The following TUSC3 variants were observed in gnomAD, a reference collection of about 807,000 sequenced individuals.
The protein encoded by TUSC3 is tumor suppressor candidate 3.
A neutral mutation model predicts 44.8 loss-of-function variants in TUSC3; 45 were observed. That is an observed-to-expected ratio of 1.00 (90% confidence interval 0.79 to 1.29). The LOEUF is 1.29. TUSC3 is among the 50% of genes most tolerant of loss of function. The pLI, the probability that TUSC3 is intolerant of heterozygous loss-of-function variation, is 0.00. For synonymous variants in TUSC3, 212 were observed against 152.9 expected (o/e 1.39, Z -2.85); for missense variants, 519 against 437.9 (o/e 1.19, Z -1.65).
At chr8:15,500,430 G>A (rs554126620) in intron 2 of TUSC3, among the ~76,000 whole-genome samples, 1 of 151,986 alleles carries the variant, frequency 6.6e-6, no homozygotes, top group Non-Finnish European at 1.5e-5. Context: ...AATCACCATT[G>A]GGATTTTTTA....
the TUSC3 span, among the ~76,000 whole-genome samples, chr8:15,832,957 T>C: frequency 1.3e-5 from 2 of 151,446 alleles, no homozygotes; most frequent in Non-Finnish European, 2.9e-5. Context: ...AAACTCTCCA[T>C]TCAAAAACAG....
At chr8:15,472,811 G>A (rs185380290) in intron 1 of TUSC3, among the ~76,000 whole-genome samples, 53 of 152,258 alleles carry the variant, frequency 3.5e-4, no homozygotes, top group African/African-American at 1.3e-3. Context: ...AATATTTTAT[G>A]CCATTAAATG....
chr8:15,723,728 T>A (rs1460332760), intron 6 of TUSC3, among the ~76,000 whole-genome samples: 3 of 152,146 alleles, frequency 2.0e-5, no homozygotes, highest in Non-Finnish European at 4.4e-5. Context: ...GCTTATTTTG[T>A]GCAATGACAG....
At chr8:15,685,129 A>G (rs1438118676) in intron 6 of TUSC3, among the ~76,000 whole-genome samples, 1 of 152,186 alleles carries the variant, frequency 6.6e-6, no homozygotes, top group Non-Finnish European at 1.5e-5. Context: ...TTGGGGGTGC[A>G]TGCAAGTTTG....
intron 8 of TUSC3, among the ~76,000 whole-genome samples, chr8:15,746,033 C>T (rs1399831955): frequency 6.6e-6 from 1 of 152,048 alleles, no homozygotes; most frequent in Non-Finnish European, 1.5e-5. Flanking sequence ...CTCCCCATTG[C>T]TTGTTTTTGT....
At chr8:15,448,131 A>ATATATATATATATATATT (rs1563253394) in intron 1 of TUSC3, among the ~76,000 whole-genome samples, 1 of 144,074 alleles carries the variant, frequency 6.9e-6, no homozygotes, top group Non-Finnish European at 1.5e-5. Context: ...TTATTTATTT[A>ATATATATATATATATATT]TTTTTTAGAT....
chr8:15,444,257 C>T (rs770059489), intron 1 of TUSC3, among the ~76,000 whole-genome samples: 7 of 152,154 alleles, frequency 4.6e-5, no homozygotes, highest in Non-Finnish European at 1.0e-4. Flanking sequence ...AGACAAGACT[C>T]TTCATGACAC....
At chr8:15,639,475 T>G (rs1338765616) in intron 2 of TUSC3, among the ~76,000 whole-genome samples, 1 of 152,220 alleles carries the variant, frequency 6.6e-6, no homozygotes. Context: ...GTGCTTTATT[T>G]CTCTAAAAAT....
At chr8:15,562,395 C>A (rs755613329) in intron 1 of TUSC3, among the ~76,000 whole-genome samples, 29 of 152,094 alleles carry the variant, frequency 1.9e-4, no homozygotes, top group African/African-American at 6.8e-4. Flanking sequence ...CCACTTTAAG[C>A]GTTAAGAAAT....
chr8:15,662,619 G>T (rs1189690625), intron 5 of TUSC3, among the ~76,000 whole-genome samples: 1 of 151,900 alleles, frequency 6.6e-6, no homozygotes, highest in African/African-American at 2.4e-5. Context: ...TGGAAATTCA[G>T]CTATTTCTGA....
chr8:15,608,598 G>A (rs557862440), intron 1 of TUSC3, among the ~76,000 whole-genome samples: 1 of 152,244 alleles, frequency 6.6e-6, no homozygotes, highest in South Asian at 2.1e-4. Flanking sequence ...CTGATGGGAG[G>A]TGATTGGATT....
intron 2 of TUSC3, among the ~76,000 whole-genome samples, chr8:15,483,877 T>C (rs1800699958): frequency 6.9e-6 from 1 of 145,940 alleles, no homozygotes; most frequent in Admixed American, 6.9e-5. Flanking sequence ...CAGGGTGGTC[T>C]CGATCTCCTG....
At chr8:15,619,940 G>T (rs533474689) in intron 1 of TUSC3, among the ~76,000 whole-genome samples, 1 of 152,232 alleles carries the variant, frequency 6.6e-6, no homozygotes, top group South Asian at 2.1e-4. Context: ...ACTCAATTTT[G>T]CCAGAAATAA....
chr8:15,752,268 A>G (rs1479772700), intron 9 of TUSC3, among the ~76,000 whole-genome samples: 1 of 152,150 alleles, frequency 6.6e-6, no homozygotes, highest in Non-Finnish European at 1.5e-5. Context: ...ATTTGTGTAC[A>G]AAGGAATGGG....
At chr8:15,835,335 C>T in the TUSC3 span, among the ~76,000 whole-genome samples, 10 of 150,252 alleles carry the variant, frequency 6.7e-5, no homozygotes, top group East Asian at 1.8e-3. Context: ...TGCTTTTTCT[C>T]CTTTTATTAA....
intron 6 of TUSC3, among the ~76,000 whole-genome samples, chr8:15,708,289 A>C (rs902608079): frequency 4.6e-5 from 7 of 151,858 alleles, no homozygotes; most frequent in African/African-American, 1.7e-4. Flanking sequence ...AATACTGAGA[A>C]AGTTGATTGG....
intron 2 of TUSC3, among the ~76,000 whole-genome samples, chr8:15,648,240 C>T (rs1235446770): frequency 1.1e-4 from 16 of 152,078 alleles, no homozygotes; most frequent in East Asian, 1.9e-4. Context: ...CAGTCATATT[C>T]GAAATCTATA....
chr8:15,533,011 T>G (rs1369988646), intron 2 of TUSC3, among the ~76,000 whole-genome samples: 2 of 152,362 alleles, frequency 1.3e-5, no homozygotes, highest in East Asian at 3.9e-4. Context: ...CAGGCTGGTC[T>G]TGAACTCCTG....
At chr8:15,518,070 T>C (rs1801246453) in intron 2 of TUSC3, among the ~76,000 whole-genome samples, 1 of 152,120 alleles carries the variant, frequency 6.6e-6, no homozygotes, top group Admixed American at 6.6e-5. Context: ...TATTCCACTT[T>C]CAGTCTCTGT....
Sources: allele counts gnomAD v4.1 joint callset (sites outside exome capture counted in the v4.1 genomes callset), GRCh38; gene constraint gnomAD v4.1.1; transcripts MANE v1.5; gene names NCBI Gene and HGNC (gene_info 2026-07-23, HGNC 2026-07-21).